The following XKR4 variants were observed in gnomAD, a reference collection of about 807,000 sequenced individuals.
The protein encoded by XKR4 is XK related 4, also known as XK-related protein 4.
XKR4 carries 12 observed loss-of-function variants against 53.9 expected under a neutral mutation model. That is an observed-to-expected ratio of 0.22 (90% CI 0.14 to 0.36). XKR4 has a LOEUF of 0.36. XKR4 is among the 10% of genes least tolerant of loss of function. The pLI is 1.00. For synonymous variants in XKR4, 354 were observed against 362.4 expected, an observed-to-expected ratio of 0.98 and a Z score of 0.26; for missense variants, 799 against 859.5, an observed-to-expected ratio of 0.93 and a Z score of 0.88.
At chr8:55,337,805 C>T (rs1481885694) in intron 1 of XKR4, among the ~76,000 whole-genome samples, 1 of 152,216 alleles carries the variant, frequency 6.6e-6, no homozygotes, top group East Asian at 1.9e-4. Flanking sequence ...TGTCTCAGCT[C>T]TGAATCCTGT....
intron 1 of XKR4, among the ~76,000 whole-genome samples, chr8:55,176,633 A>G (rs1817239314): frequency 1.3e-5 from 2 of 152,294 alleles, no homozygotes; most frequent in Middle Eastern, 6.8e-3. Context: ...CAGTTTCTCA[A>G]ATGTGGACAG....
intron 2 of XKR4, among the ~76,000 whole-genome samples, chr8:55,480,026 A>G (rs989613938): frequency 2.0e-4 from 26 of 129,702 alleles, no homozygotes; most frequent in African/African-American, 9.6e-4. Flanking sequence ...ATAGAAAAAG[A>G]GGGAATCCTC....
At chr8:55,407,544 G>T (rs1314808967) in intron 2 of XKR4, among the ~76,000 whole-genome samples, 2 of 152,242 alleles carry the variant, frequency 1.3e-5, no homozygotes, top group Non-Finnish European at 2.9e-5. Context: ...GCTCCATGCA[G>T]TGAGCAGAGC....
At chr8:55,171,144 A>AAGAAG (rs1817150804) in intron 1 of XKR4, among the ~76,000 whole-genome samples, 1 of 152,250 alleles carries the variant, frequency 6.6e-6, no homozygotes, top group South Asian at 2.1e-4. Flanking sequence ...TACCGTGAAG[A>AAGAAG]AGAGCTCAGG....
chr8:55,207,246 G>T (rs1180242764), intron 1 of XKR4, among the ~76,000 whole-genome samples: 1 of 152,182 alleles, frequency 6.6e-6, no homozygotes, highest in African/African-American at 2.4e-5. Context: ...CTGGGGGCAG[G>T]GTGGGGCAGT....
At chr8:55,270,916 C>T (rs141099506) in intron 1 of XKR4, among the ~76,000 whole-genome samples, 1 of 152,328 alleles carries the variant, frequency 6.6e-6, no homozygotes, top group African/African-American at 2.4e-5. Flanking sequence ...GCCTGCAGGG[C>T]TCTGGTTAAG....
At chr8:55,334,817 G>T (rs931874818) in intron 1 of XKR4, among the ~76,000 whole-genome samples, 2 of 152,150 alleles carry the variant, frequency 1.3e-5, no homozygotes, top group African/African-American at 2.4e-5. Context: ...TCAGACACAT[G>T]TCTGAAGGAC....
At chr8:55,430,557 G>A (rs1287428240) in intron 2 of XKR4, among the ~76,000 whole-genome samples, 1 of 152,184 alleles carries the variant, frequency 6.6e-6, no homozygotes, top group African/African-American at 2.4e-5. Flanking sequence ...AAACGGTGAT[G>A]GAAATATTCT....
intron 2 of XKR4, among the ~76,000 whole-genome samples, chr8:55,501,281 A>T (rs1482298265): frequency 6.6e-6 from 1 of 152,174 alleles, no homozygotes; most frequent in Admixed American, 6.5e-5. Flanking sequence ...ATGCAAAATA[A>T]AATTTATGGT....
chr8:55,363,365 G>A lies in XKR4; in HGVS notation c.1006+5488G>A, dbSNP rs1237422443. On this transcript the variant is annotated intron_variant, in intron 2 of 2. Transcript: ENST00000327381. ...GTTTATCCTGAATACTTCGTGAAAG[G>A]AAAAGGGAAACAGGGAGCTGGAAGG... Among the ~76,000 whole-genome samples, 63 of 152,262 alleles carry A rather than the reference G, an allele frequency of 4.1e-4. 1 individual carries two copies. The highest frequency in any genetic ancestry group is 1.5e-5 in the Non-Finnish European group (1 of 68,008).
intron 1 of XKR4, chr8:55,140,007 T>C (rs1390995582): frequency 4.0e-6 from 1 of 248,944 alleles, no homozygotes; most frequent in African/African-American, 2.3e-5. Flanking sequence ...AGCTAACAGT[T>C]AATTTCTAAG....
chr8:55,416,670 G>A (rs74571518), intron 2 of XKR4, among the ~76,000 whole-genome samples: 18,040 of 152,184 alleles, frequency 0.12, 2,788 homozygotes, highest in African/African-American at 0.36. Context: ...CGATGGCAGG[G>A]GACAGTGGCC....
rs1806885134 is a variant in XKR4 at position 55,526,532 on chromosome 8, T to C, written c.*2305T>C. The C allele has an allele frequency of 1.3e-5, 2 of 152,186 alleles. No individual in the cohort carries two copies. Among genetic ancestry groups the C allele is most frequent in the Admixed American group, 1.3e-4 (2 of 15,278 alleles). 9.4% of individuals were successfully genotyped at this position (152,186 alleles called of 1,614,324 possible). A position where few individuals can be genotyped will look rare whatever the true frequency, so the allele number is the denominator to read the frequency against. On this transcript the variant is annotated 3_prime_UTR_variant, in exon 3 of 3. Coordinates refer to ENST00000327381, the MANE Select transcript of XKR4 (RefSeq NM_052898.2). Reference sequence around the variant, plus strand: ...CATGGTGAAAACATTCCATCCCCACTGGAGAAGGAAAAAACGATTTTGGCA... The same window carrying C: ...CATGGTGAAAACATTCCATCCCCACCGGAGAAGGAAAAAACGATTTTGGCA...
chr8:55,525,448 C>G lies in XKR4; in HGVS notation c.*1221C>G, dbSNP rs1315075302. 6.6e-6 allele frequency: 1 copy of G among 152,596 alleles called. No homozygotes were observed. The highest frequency in any genetic ancestry group is 1.5e-5 in the Non-Finnish European group (1 of 68,034). 9.5% of individuals were successfully genotyped at this position (152,596 alleles called of 1,614,324 possible). On this transcript the variant is annotated 3_prime_UTR_variant, in exon 3 of 3. Transcript: ENST00000327381. ...ACACTTTTTAGTAAGTATGAGCAGA[C>G]AAATGCAATGAATATGCTATGAAAA... is the stretch of plus-strand genomic sequence containing the variant.
chr8:55,377,437 G>T (rs1193035952), intron 2 of XKR4, among the ~76,000 whole-genome samples: 2 of 152,170 alleles, frequency 1.3e-5, no homozygotes, highest in East Asian at 3.9e-4. Flanking sequence ...TGTTAGTACA[G>T]ATTTCAAAGG....
chr8:55,407,554 C>A lies in XKR4; in HGVS notation c.1006+49677C>A, dbSNP rs116780802. Among the ~76,000 whole-genome samples the A allele has an allele frequency of 4.9e-3, 744 of 152,346 alleles. 3 individuals carry two copies. Among genetic ancestry groups the A allele is most frequent in the African/African-American group, 0.017 (703 of 41,576 alleles). On this transcript the variant is annotated intron_variant, in intron 2 of 2. Transcript: ENST00000327381. ...AGGCAGCTCCATGCAGTGAGCAGAG[C>A]TGGCCCTCGGGTCAGATGCCCCGGG... is the stretch of plus-strand genomic sequence containing the variant.
chr8:55,470,931 A>T (rs1219923773), intron 2 of XKR4, among the ~76,000 whole-genome samples: 1 of 152,160 alleles, frequency 6.6e-6, no homozygotes, highest in Non-Finnish European at 1.5e-5. Context: ...CATGAATCAC[A>T]CTATAATCCT....
chr8:55,422,592 G>C (rs891872444), intron 2 of XKR4, among the ~76,000 whole-genome samples: 4 of 152,220 alleles, frequency 2.6e-5, no homozygotes, highest in Admixed American at 1.3e-4. Flanking sequence ...GAATCCCAGG[G>C]AACACAGCAG....
At chr8:55,471,779 C>T (rs1805888452) in intron 2 of XKR4, among the ~76,000 whole-genome samples, 1 of 152,040 alleles carries the variant, frequency 6.6e-6, no homozygotes, top group Admixed American at 6.6e-5. Context: ...GTTCTGGGAC[C>T]TTCCCCACCC....
Sources: allele counts gnomAD v4.1 joint callset (sites outside exome capture counted in the v4.1 genomes callset), GRCh38; gene constraint gnomAD v4.1.1; transcripts MANE v1.5; gene names NCBI Gene and HGNC (gene_info 2026-07-23, HGNC 2026-07-21).